SPATA16: variants seen among roughly 807,000 people sequenced by gnomAD.
SPATA16 encodes the protein spermatogenesis associated 16, also known as spermatogenesis-associated protein 16.
Under a neutral mutation model 63.3 loss-of-function variants are expected in SPATA16, and 36 were observed. The ratio of observed to expected loss-of-function variants is 0.57; its 90% CI spans 0.44 to 0.75. The LOEUF (loss-of-function observed/expected upper bound fraction) is 0.75, where lower values mean the gene tolerates loss of function less well. SPATA16 is among the 30% of genes least tolerant of loss of function. SPATA16 has a pLI of 0.00. For synonymous variants in SPATA16, 203 were observed against 216.7 expected (o/e 0.94, Z 0.56); for missense variants, 646 against 679.3 (o/e 0.95, Z 0.54).
chr3:173,095,357 A>C (rs1179268188), intron 2 of SPATA16, among the ~76,000 whole-genome samples: 1 of 152,206 alleles, frequency 6.6e-6, no homozygotes, highest in Non-Finnish European at 1.5e-5. Context: ...TCCAGACAAT[A>C]ATAAAAAAAC....
intron 4 of SPATA16, among the ~76,000 whole-genome samples, chr3:172,986,310 A>G (rs897846806): frequency 6.6e-6 from 1 of 152,210 alleles, no homozygotes; most frequent in Non-Finnish European, 1.5e-5. Context: ...ATGTAAATAC[A>G]TATGAGTACT....
intron 2 of SPATA16, among the ~76,000 whole-genome samples, chr3:173,106,032 A>G (rs1247546425): frequency 1.3e-5 from 2 of 152,172 alleles, no homozygotes; most frequent in Non-Finnish European, 2.9e-5. Flanking sequence ...ATTGCAATCC[A>G]TTAAATTGAT....
At chr3:172,985,111 G>A (rs918507749) in intron 4 of SPATA16, among the ~76,000 whole-genome samples, 2 of 152,132 alleles carry the variant, frequency 1.3e-5, no homozygotes, top group Non-Finnish European at 2.9e-5. Flanking sequence ...TAATGCTATT[G>A]CCTGGTGATG....
intron 4 of SPATA16, among the ~76,000 whole-genome samples, chr3:172,988,880 C>T (rs1734513698): frequency 6.6e-6 from 1 of 152,142 alleles, no homozygotes; most frequent in African/African-American, 2.4e-5. Flanking sequence ...CCAGGTGATC[C>T]ACCTGGCTCC....
intron 9 of SPATA16, among the ~76,000 whole-genome samples, chr3:172,915,692 G>T (rs913149365): frequency 3.4e-4 from 52 of 152,106 alleles, no homozygotes; most frequent in Admixed American, 3.3e-3. Context: ...ATTTCTGTGA[G>T]AATCCCTTCA....
At chr3:172,904,663 C>T (rs1732196031) in intron 10 of SPATA16, among the ~76,000 whole-genome samples, 1 of 152,142 alleles carries the variant, frequency 6.6e-6, no homozygotes, top group Non-Finnish European at 1.5e-5. Flanking sequence ...TACCTATTAA[C>T]CTTATACTTT....
At chr3:173,005,232 G>A (rs1233562441) in intron 4 of SPATA16, among the ~76,000 whole-genome samples, 1 of 151,916 alleles carries the variant, frequency 6.6e-6, no homozygotes, top group Non-Finnish European at 1.5e-5. Context: ...GCTGAGGCAG[G>A]GGAATTGCTT....
intron 10 of SPATA16, among the ~76,000 whole-genome samples, 166 bp from the exon 11 acceptor site, chr3:172,889,858 A>G (rs1345792194): frequency 6.6e-6 from 1 of 152,200 alleles, no homozygotes; most frequent in Non-Finnish European, 1.5e-5. Flanking sequence ...TTCTGTTTCC[A>G]TTACAGGTCT....
At chr3:172,926,525 G>A (rs2109580425) in intron 6 of SPATA16, among the ~76,000 whole-genome samples, 1 of 152,292 alleles carries the variant, frequency 6.6e-6, no homozygotes, top group Non-Finnish European at 1.5e-5. Flanking sequence ...GAAGTAACTT[G>A]CCCAACAGCA....
At chr3:173,040,786 C>T (rs1049599263) in intron 3 of SPATA16, among the ~76,000 whole-genome samples, 1 of 152,120 alleles carries the variant, frequency 6.6e-6, no homozygotes. Flanking sequence ...AAAACCTTCT[C>T]AGGAAGTTAG....
At chr3:173,094,176 A>G (rs1332333024) in intron 2 of SPATA16, among the ~76,000 whole-genome samples, 4 of 152,060 alleles carry the variant, frequency 2.6e-5, no homozygotes, top group African/African-American at 9.7e-5. Flanking sequence ...AAGCACAAAT[A>G]TTTGTATTTT....
intron 2 of SPATA16, among the ~76,000 whole-genome samples, chr3:173,095,177 G>A (rs1024126084): frequency 2.0e-5 from 3 of 151,990 alleles, no homozygotes; most frequent in Non-Finnish European, 2.9e-5. Context: ...GCTAATGGTC[G>A]ACCTACTTCT....
chr3:173,060,227 A>G (rs908119458), intron 2 of SPATA16, among the ~76,000 whole-genome samples: 1 of 152,310 alleles, frequency 6.6e-6, no homozygotes, highest in African/African-American at 2.4e-5. Flanking sequence ...ATTGCACTCC[A>G]GCCCAGGTGA....
At chr3:172,908,137 A>G (rs1424682159) in intron 10 of SPATA16, among the ~76,000 whole-genome samples, 1 of 152,194 alleles carries the variant, frequency 6.6e-6, no homozygotes, top group African/African-American at 2.4e-5. Flanking sequence ...CAGAGGAGGT[A>G]TCCAGTAAAT....
chr3:172,923,985 TC>T (rs1732670945), intron 8 of SPATA16, among the ~76,000 whole-genome samples: 1 of 152,232 alleles, frequency 6.6e-6, no homozygotes, highest in African/African-American at 2.4e-5. Flanking sequence ...AGAGACACTA[TC>T]CTAATAAGTG....
chr3:173,094,602 G>A (rs1737303886), intron 2 of SPATA16, among the ~76,000 whole-genome samples: 1 of 151,356 alleles, frequency 6.6e-6, no homozygotes, highest in African/African-American at 2.4e-5. Flanking sequence ...AGGTATTCAT[G>A]AAGAATACAA....
chr3:172,946,563 C>T (rs1481111549), intron 6 of SPATA16, among the ~76,000 whole-genome samples: 2 of 151,962 alleles, frequency 1.3e-5, no homozygotes, highest in African/African-American at 2.4e-5. Context: ...CAGTACTAGC[C>T]ATGAGCCTGG....
At chr3:172,929,897 TC>T (rs1164671137) in intron 6 of SPATA16, among the ~76,000 whole-genome samples, 1 of 152,204 alleles carries the variant, frequency 6.6e-6, no homozygotes, top group Non-Finnish European at 1.5e-5. Context: ...TTTTCCTTTT[TC>T]TTCACCAGCC....
Position 173,117,206 on chromosome 3 carries a change from G to T in SPATA16, c.526C>A (p.Leu176Ile). The T allele has an allele frequency of 6.2e-7, 1 of 1,614,104 alleles. No individual in the cohort carries two copies. Among genetic ancestry groups the T allele is most frequent in the Non-Finnish European group, 8.5e-7 (1 of 1,179,998 alleles). Reference protein sequence around the residue: ...FSFLPQIDKWLQVALKDASSC... With the variant: ...FSFLPQIDKWIQVALKDASSC... Reference sequence around the variant, plus strand: ...CTGGCATCCTTTAAGGCTACCTGAAGCCATTTGTCAATCTGAGGCAGAAAG... The same window carrying T: ...CTGGCATCCTTTAAGGCTACCTGAATCCATTTGTCAATCTGAGGCAGAAAG... The change falls in exon 2 of 11, where the codon CTT becomes ATT. Residue 176 changes from leucine (L) to isoleucine (I), a missense_variant. Coordinates refer to ENST00000351008, the MANE Select transcript of SPATA16 (RefSeq NM_031955.6).
Sources: gnomAD v4.1 joint callset for allele counts (sites outside exome capture counted in the v4.1 genomes callset) on GRCh38, gnomAD v4.1.1 for gene constraint, MANE v1.5 for transcripts, NCBI Gene and HGNC (gene_info 2026-07-23, HGNC 2026-07-21) for gene names.